Variants in ENPP2 observed in about 807,000 individuals in gnomAD.
The protein encoded by ENPP2 is ectonucleotide pyrophosphatase/phosphodiesterase 2.
ENPP2 carries 51 observed loss-of-function variants against 120.2 expected under a neutral mutation model. That is an observed-to-expected ratio of 0.42 (90% CI 0.34 to 0.54). ENPP2 has a LOEUF of 0.54. ENPP2 is among the 20% of genes least tolerant of loss of function. The pLI, the probability that ENPP2 is intolerant of heterozygous loss-of-function variation, is 0.04. For missense variants in ENPP2, 920 were observed against 1,066.5 expected (o/e 0.86, Z 1.91); for synonymous variants, 365 against 366.4 (o/e 1.00, Z 0.04).
intron 1 of ENPP2, among the ~76,000 whole-genome samples, chr8:119,652,600 G>C (rs1273805900): frequency 6.6e-6 from 1 of 152,160 alleles, no homozygotes; most frequent in East Asian, 1.9e-4. Context: ...GTGCAAACAA[G>C]ATCAGAAATG....
chr8:119,564,968 A>G lies in ENPP2; in HGVS notation c.2132-13T>C, dbSNP rs574266209. 4 of 1,606,550 alleles carry G rather than the reference A, an allele frequency of 2.5e-6. No individual in the cohort carries two copies. The highest frequency in any genetic ancestry group is 2.2e-5 in the South Asian group (2 of 90,222). ...TAATTCCAGACCCCTGTGCAAAGACAAAAATCCAAAAATCAATTATTCATG... is the reference window on the plus strand; with the variant it reads ...TAATTCCAGACCCCTGTGCAAAGACGAAAATCCAAAAATCAATTATTCATG... On this transcript the variant is annotated splice_polypyrimidine_tract_variant and intron_variant, in intron 22 of 24. Transcript: ENST00000075322.
chr8:119,638,854 G>T, upstream of ENPP2: 1 of 1,607,370 alleles, frequency 6.2e-7, no homozygotes, highest in South Asian at 1.1e-5. Flanking sequence ...TGAGGCTCTG[G>T]GTTTAGTCTA....
intron 1 of ENPP2, among the ~76,000 whole-genome samples, chr8:119,664,997 C>A (rs1554628461): frequency 6.6e-6 from 1 of 152,188 alleles, no homozygotes; most frequent in Non-Finnish European, 1.5e-5. Flanking sequence ...GGATTGGTTT[C>A]TTCTGAGGCT....
intron 1 of ENPP2, among the ~76,000 whole-genome samples, chr8:119,668,081 T>A (rs1247184470): frequency 6.6e-6 from 1 of 152,306 alleles, no homozygotes; most frequent in South Asian, 2.1e-4. Context: ...TAAGTCTAGA[T>A]TAAATATCCC....
Position 119,570,737 on chromosome 8 carries a change from G to T in ENPP2, c.1885C>A (p.Pro629Thr). Residue 629 changes from proline (P) to threonine (T), a missense_variant, in exon 20 of 25, where the codon CCA becomes ACA. Pro to Thr is a conservative substitution (Grantham distance 38). Transcript: ENST00000075322. Reference protein sequence around the residue: ...ESGYSEIFLMPLWTSYTVSKQ... With the variant: ...ESGYSEIFLMTLWTSYTVSKQ... ...GAAACAGTATATGATGTCCAGAGTGGCATTAGGAATATTTCACTATAACCA... is the reference window on the plus strand; with the variant it reads ...GAAACAGTATATGATGTCCAGAGTGTCATTAGGAATATTTCACTATAACCA... 1.9e-6 allele frequency: 3 copies of T among 1,588,244 alleles called. No homozygotes were observed. In the South Asian group the frequency reaches 3.5e-5, roughly 18 times the overall value.
At chr8:119,578,747 T>C (rs760071517) in intron 19 of ENPP2, among the ~76,000 whole-genome samples, 2 of 152,186 alleles carry the variant, frequency 1.3e-5, no homozygotes, top group Non-Finnish European at 2.9e-5. Flanking sequence ...CTACCAACAA[T>C]GGCCTATCTT....
At chr8:119,621,735 C>T (rs1176474768) in intron 3 of ENPP2, among the ~76,000 whole-genome samples, 1 of 152,132 alleles carries the variant, frequency 6.6e-6, no homozygotes, top group African/African-American at 2.4e-5. Context: ...CATCAAAATG[C>T]AATTGGGTTC....
At position 119,626,691 on chromosome 8, in the gene ENPP2, A is replaced by G; in HGVS notation, c.166T>C (p.Ser56Pro). Residue 56 changes from serine (S) to proline (P), a missense_variant, in exon 3 of 25, where the codon TCC becomes CCC. Transcript: ENST00000075322. The stretch of plus-strand genomic sequence containing the variant: ...AAGCACCTGCCCTTGCAAGATCCGG[A>G]GATGTTGGTCCAGGGGGAGTCTGAT... ...VLSDSPWTNISGSCKGRCFEL... is the reference protein window; with the variant it reads ...VLSDSPWTNIPGSCKGRCFEL... The G allele has an allele frequency of 6.2e-7, 1 of 1,614,078 alleles. No individual in the cohort carries two copies. Among genetic ancestry groups the G allele is most frequent in the Non-Finnish European group, 8.5e-7 (1 of 1,179,956 alleles).
intron 2 of ENPP2, among the ~76,000 whole-genome samples, chr8:119,629,527 T>TCATCCAATCCCAGCCTTTATGGC (rs1338497169): frequency 6.6e-6 from 1 of 152,144 alleles, no homozygotes; most frequent in East Asian, 1.9e-4. Context: ...AAAGTCAGAG[T>TCATCCAATCCCAGCCTTTATGGC]CATCCAATCC....
In ENPP2 at chr8:119,607,186, A is replaced by G. The variant is rs539943259; in HGVS notation, c.833+736T>C. ...GCTCCCCAGAGGCCTGAGACCATCT[A>G]GATATTTTTAAGTTGTGAACCAAAA... On this transcript the variant is annotated intron_variant, in intron 9 of 24. Transcript: ENST00000075322. Among the ~76,000 whole-genome samples the G allele has an allele frequency of 1.3e-4, 20 of 152,328 alleles. No individual in the cohort carries two copies. The South Asian group carries it at 1.5e-3, about 11-fold the overall frequency.
At chr8:119,669,870 T>C (rs774976119) in intron 1 of ENPP2, among the ~76,000 whole-genome samples, 71 of 152,250 alleles carry the variant, frequency 4.7e-4, no homozygotes, top group Non-Finnish European at 7.9e-4. Flanking sequence ...TCTGAAGGTT[T>C]AGATTGCACA....
rs1490869944 is a variant in ENPP2, at chr8:119,607,956, G to T, written c.799C>A (p.Gln267Lys). ...GQPLWITATK[Q>K]GVKAGTFFWS... is the part of the protein sequence containing the mutation. ...AAGAATGTTCCAGCTTTCACCCCTT[G>T]CTTGGTGGCTGTAATCCATAGCTAA... The change falls in exon 9 of 25, where the codon CAA becomes AAA. Residue 267 changes from glutamine to lysine, a missense_variant. Transcript: ENST00000075322. The T allele has an allele frequency of 6.2e-7, 1 of 1,610,336 alleles. No homozygotes were observed. The highest frequency in any genetic ancestry group is 8.5e-7 in the Non-Finnish European group (1 of 1,177,848).
chr8:119,579,908 A>G (rs1237495272), intron 19 of ENPP2, among the ~76,000 whole-genome samples: 1 of 152,142 alleles, frequency 6.6e-6, no homozygotes, highest in Non-Finnish European at 1.5e-5. Flanking sequence ...GGGGGAGAAA[A>G]GCTATTGGAA....
At chr8:119,590,354 C>T (rs1370068118) in intron 13 of ENPP2, 151 bp downstream of exon 13, 14 of 489,562 alleles carry the variant, frequency 2.9e-5, no homozygotes, top group Non-Finnish European at 4.9e-5. Context: ...AAAACTGAGG[C>T]TTAGAGTCTA....
intron 1 of ENPP2, among the ~76,000 whole-genome samples, chr8:119,648,046 G>A (rs1211983081): frequency 6.6e-6 from 1 of 152,164 alleles, no homozygotes; most frequent in Non-Finnish European, 1.5e-5. Flanking sequence ...CCACTGACTT[G>A]AGTCTGCCTG....
chr8:119,668,429 C>CTTTTTTT (rs5894492), intron 1 of ENPP2, among the ~76,000 whole-genome samples: 42 of 110,528 alleles, frequency 3.8e-4, no homozygotes, highest in Non-Finnish European at 4.0e-4. Context: ...TTTTCTTTTT[C>CTTTTTTT]TTTTTTTTTT....
intron 24 of ENPP2, among the ~76,000 whole-genome samples, chr8:119,558,806 C>A (rs1472915319): frequency 6.6e-6 from 1 of 152,082 alleles, no homozygotes; most frequent in African/African-American, 2.4e-5. Flanking sequence ...AGGGTGGCTG[C>A]ATGTCCTAGG....
intron 13 of ENPP2, among the ~76,000 whole-genome samples, chr8:119,588,555 G>A (rs959356212): frequency 7.0e-6 from 1 of 142,578 alleles, no homozygotes; most frequent in Non-Finnish European, 1.5e-5. Flanking sequence ...AAAAAAAAGA[G>A]CTTTGCAGGC....
chr8:119,579,757 G>C (rs1446009373), intron 19 of ENPP2, among the ~76,000 whole-genome samples: 2 of 152,064 alleles, frequency 1.3e-5, no homozygotes, highest in Non-Finnish European at 2.9e-5. Flanking sequence ...TCTCGAGGTA[G>C]ATACCTTCAG....
Sources: allele counts gnomAD v4.1 joint callset (sites outside exome capture counted in the v4.1 genomes callset), GRCh38; gene constraint gnomAD v4.1.1; transcripts MANE v1.5; gene names NCBI Gene and HGNC (gene_info 2026-07-23, HGNC 2026-07-21).